The following TRPC6 variants were observed in gnomAD, a reference collection of about 807,000 sequenced individuals.
TRPC6 encodes short transient receptor potential channel 6.
Under a neutral mutation model 90.7 loss-of-function variants are expected in TRPC6, and 55 were observed. The ratio of observed to expected loss-of-function variants is 0.61; its 90% CI spans 0.49 to 0.76. The LOEUF is 0.76. Among genes scored for constraint, TRPC6 ranks in the 30% least tolerant of loss-of-function variants. The pLI, the probability that TRPC6 is intolerant of heterozygous loss-of-function variation, is 0.00. For synonymous variants in TRPC6, 393 were observed against 393.0 expected (o/e 1.00, Z 0.00); for missense variants, 989 against 1,122.7 (o/e 0.88, Z 1.70).
At chr11:101,524,004 C>T (rs901070181) in intron 1 of TRPC6, among the ~76,000 whole-genome samples, 2 of 152,152 alleles carry the variant, frequency 1.3e-5, no homozygotes, top group African/African-American at 4.8e-5. Flanking sequence ...GGAGGCATTC[C>T]TCTGAGAGGA....
chr11:101,543,371 C>T (rs565131018), intron 1 of TRPC6, among the ~76,000 whole-genome samples: 1 of 152,194 alleles, frequency 6.6e-6, no homozygotes, highest in African/African-American at 2.4e-5. Context: ...GAAAAAACTA[C>T]TTTAAATTTC....
intron 1 of TRPC6, among the ~76,000 whole-genome samples, chr11:101,538,839 A>C (rs1200071794): frequency 6.6e-6 from 1 of 152,218 alleles, no homozygotes; most frequent in African/African-American, 2.4e-5. Flanking sequence ...AATGATCCCC[A>C]GAACAGACAG....
intron 10 of TRPC6, chr11:101,455,523 C>T (rs1158226471): frequency 5.7e-6 from 1 of 175,128 alleles, no homozygotes; most frequent in African/African-American, 2.4e-5. Flanking sequence ...GATGTGGATC[C>T]TGCAGAAACA....
At chr11:101,547,227 A>G (rs1174121777) in intron 1 of TRPC6, among the ~76,000 whole-genome samples, 1 of 151,950 alleles carries the variant, frequency 6.6e-6, no homozygotes, top group Non-Finnish European at 1.5e-5. Flanking sequence ...GAATGAGAAC[A>G]AAAATGTCAT....
chr11:101,568,985 G>A (rs914829842), intron 1 of TRPC6, among the ~76,000 whole-genome samples: 5 of 152,086 alleles, frequency 3.3e-5, no homozygotes, highest in Non-Finnish European at 7.4e-5. Context: ...ACATCATAAT[G>A]GCAGGATGAA....
At chr11:101,530,423 G>T (rs78333655) in intron 1 of TRPC6, among the ~76,000 whole-genome samples, 1 of 151,966 alleles carries the variant, frequency 6.6e-6, no homozygotes, top group African/African-American at 2.4e-5. Context: ...CAGGAGATAC[G>T]CCCATCTGTG....
intron 1 of TRPC6, among the ~76,000 whole-genome samples, chr11:101,533,876 A>G (rs891516460): frequency 1.3e-5 from 2 of 152,016 alleles, no homozygotes; most frequent in Admixed American, 6.6e-5. Context: ...TCACAGCCCC[A>G]CTCAGGCAAC....
At chr11:101,583,284 C>T (rs1419709548) in intron 1 of TRPC6, 50 bp downstream of exon 1, 1 of 1,536,772 alleles carries the variant, frequency 6.5e-7, no homozygotes, top group South Asian at 1.2e-5. Flanking sequence ...AGCGCACAAC[C>T]TCCCTCCGCG....
intron 1 of TRPC6, among the ~76,000 whole-genome samples, chr11:101,530,089 A>C (rs1287634329): frequency 1.3e-5 from 2 of 152,182 alleles, no homozygotes; most frequent in Admixed American, 1.3e-4. Flanking sequence ...ACTCAGCTCT[A>C]GCCCCTCATC....
In TRPC6 at chr11:101,476,328, C is replaced by T. The variant is rs1565208910; in HGVS notation, c.1717G>A (p.Gly573Arg). ...TLKDLTKVTL[G>R]DNVKYYNLAR... is the part of the protein sequence containing the mutation. ...AAATTGTAGTATTTCACATTGTCTC[C>T]CAATGTTACTTTCGTCAAGTCCTTC... Residue 573 changes from glycine to arginine, a missense_variant, in exon 6 of 13, where the codon GGA becomes AGA. Transcript: ENST00000344327. 1.2e-6 allele frequency: 2 copies of T among 1,613,940 alleles called. No homozygotes were observed. The highest frequency in any genetic ancestry group is 1.7e-6 in the Non-Finnish European group (2 of 1,179,890).
At chr11:101,475,485 C>T (rs961157453) in intron 6 of TRPC6, among the ~76,000 whole-genome samples, 1 of 152,074 alleles carries the variant, frequency 6.6e-6, no homozygotes, top group African/African-American at 2.4e-5. Flanking sequence ...TGATTATTAA[C>T]TCTAGCCACT....
Position 101,473,682 on chromosome 11 carries a change from A to G in TRPC6, c.1836T>C (p.Tyr612=). 6.2e-7 allele frequency: 1 copy of G among 1,613,784 alleles called. No homozygotes were observed. Among genetic ancestry groups the G allele is most frequent in the Non-Finnish European group, 8.5e-7 (1 of 1,179,784 alleles). Residue 612 remains tyrosine (Y), a synonymous_variant, in exon 7 of 13, where the codon TAT becomes TAC. Transcript: ENST00000344327. ...AVVLSFSRIA[Y]ILPANESFGP... is the part of the protein sequence containing the mutation. The stretch of plus-strand genomic sequence containing the variant: ...CAAAGCTTTCATTTGCTGGTAAAAT[A>G]TAAGCTATCCTAGAGAAACTTAAAA...
chr11:101,478,708 C>A (rs942668527), intron 5 of TRPC6, among the ~76,000 whole-genome samples: 1 of 152,098 alleles, frequency 6.6e-6, no homozygotes, highest in African/African-American at 2.4e-5. Flanking sequence ...AGGGATCAAG[C>A]CTCTGCTCGT....
intron 2 of TRPC6, among the ~76,000 whole-genome samples, chr11:101,495,369 C>A (rs1303813311): frequency 6.6e-6 from 1 of 152,076 alleles, no homozygotes; most frequent in Non-Finnish European, 1.5e-5. Flanking sequence ...AAATGCATGT[C>A]TTGATTCTCA....
intron 1 of TRPC6, among the ~76,000 whole-genome samples, chr11:101,531,263 A>T (rs1475453263): frequency 6.6e-6 from 1 of 152,242 alleles, no homozygotes; most frequent in Non-Finnish European, 1.5e-5. Flanking sequence ...CTCAATCCCC[A>T]TAAGAACTCT....
At chr11:101,469,580 G>A (rs754025546) in intron 9 of TRPC6, 79 bp from the exon 10 acceptor site, 58 of 664,662 alleles carry the variant, frequency 8.7e-5, no homozygotes, top group Middle Eastern at 3.7e-4. Flanking sequence ...AAGCCATTTC[G>A]TCTAATTCTC....
intron 1 of TRPC6, among the ~76,000 whole-genome samples, chr11:101,563,289 G>T (rs1423642024): frequency 6.6e-6 from 1 of 152,158 alleles, no homozygotes; most frequent in Admixed American, 6.5e-5. Context: ...AATAGAATAG[G>T]ATAAGAATGT....
chr11:101,567,723 A>G (rs1399061247), intron 1 of TRPC6, among the ~76,000 whole-genome samples: 1 of 152,194 alleles, frequency 6.6e-6, no homozygotes, highest in Non-Finnish European at 1.5e-5. Flanking sequence ...ACCCAGGCAA[A>G]CAGGGTCTGG....
chr11:101,571,491 A>G (rs2136887779), intron 1 of TRPC6, among the ~76,000 whole-genome samples: 1 of 152,344 alleles, frequency 6.6e-6, no homozygotes, highest in East Asian at 1.9e-4. Context: ...ATTACCATTG[A>G]CTTTCTTCAC....
Sources: allele counts gnomAD v4.1 joint callset (sites outside exome capture counted in the v4.1 genomes callset), GRCh38; gene constraint gnomAD v4.1.1; transcripts MANE v1.5; gene names NCBI Gene and HGNC (gene_info 2026-07-23, HGNC 2026-07-21).